The following SORCS1 variants were observed in gnomAD, a reference collection of about 807,000 sequenced individuals.
SORCS1 encodes the protein VPS10 domain-containing receptor SorCS1.
Under a neutral mutation model 146.1 loss-of-function variants are expected in SORCS1, and 60 were observed. That is an observed-to-expected ratio of 0.41 (90% CI 0.33 to 0.51). SORCS1 has a LOEUF of 0.51. SORCS1 is among the 20% of genes least tolerant of loss of function. The pLI, the probability that SORCS1 is intolerant of heterozygous loss-of-function variation, is 0.21. For synonymous variants in SORCS1, 637 were observed against 584.0 expected (o/e 1.09, Z -1.31); for missense variants, 1,352 against 1,487.6 (o/e 0.91, Z 1.50).
At chr10:107,047,853 G>C (rs1162089935) in intron 1 of SORCS1, among the ~76,000 whole-genome samples, 1 of 152,078 alleles carries the variant, frequency 6.6e-6, no homozygotes, top group Non-Finnish European at 1.5e-5. Context: ...GGCAGAGGCA[G>C]GCAGATTGCC....
intron 1 of SORCS1, among the ~76,000 whole-genome samples, chr10:107,009,147 T>G (rs1220709879): frequency 6.6e-6 from 1 of 152,234 alleles, no homozygotes; most frequent in Non-Finnish European, 1.5e-5. Flanking sequence ...TCTGAATTAG[T>G]TTTTCAAATA....
intron 1 of SORCS1, among the ~76,000 whole-genome samples, chr10:107,014,737 A>C (rs1019507927): frequency 6.6e-6 from 1 of 152,204 alleles, no homozygotes; most frequent in Non-Finnish European, 1.5e-5. Flanking sequence ...ATGGACATTC[A>C]CGTTTGAAGA....
rs564775442 is a variant in SORCS1, at chr10:107,129,608, C to T, written c.558+34361G>A. On this transcript the variant is annotated intron_variant, in intron 1 of 25. Transcript: ENST00000263054. The stretch of plus-strand genomic sequence containing the variant: ...ATTTAAGTTTTAAATTTTACCCACT[C>T]TTCCCAATTTGTCATTTAACTTGAA... Among the ~76,000 whole-genome samples the T allele has an allele frequency of 3.3e-5, 5 of 152,340 alleles. No individual in the cohort carries two copies. The South Asian group carries it at 1.0e-3, about 32-fold the overall frequency.
chr10:107,042,554 G>T (rs766002022), intron 1 of SORCS1, among the ~76,000 whole-genome samples: 17 of 152,184 alleles, frequency 1.1e-4, no homozygotes, highest in Non-Finnish European at 2.4e-4. Context: ...CAAATAAAGG[G>T]GTGGCTCTCA....
At chr10:106,863,376 T>A (rs1388160569) in intron 2 of SORCS1, among the ~76,000 whole-genome samples, 1 of 151,900 alleles carries the variant, frequency 6.6e-6, no homozygotes, top group East Asian at 1.9e-4. Context: ...AGTACAAAAA[T>A]TATCTGGGTG....
chr10:107,013,536 C>A (rs1190858373), intron 1 of SORCS1, among the ~76,000 whole-genome samples: 1 of 152,078 alleles, frequency 6.6e-6, no homozygotes, highest in African/African-American at 2.4e-5. Context: ...TCTCTCCCTT[C>A]CTGCAGTATC....
At chr10:106,723,628 T>A (rs1381041891) in intron 6 of SORCS1, among the ~76,000 whole-genome samples, 1 of 152,230 alleles carries the variant, frequency 6.6e-6, no homozygotes, top group African/African-American at 2.4e-5. Context: ...AACATCCTTG[T>A]CACAGATGTA....
intron 9 of SORCS1, among the ~76,000 whole-genome samples, chr10:106,696,983 GA>G (rs1191836862): frequency 4.6e-5 from 7 of 152,186 alleles, no homozygotes; most frequent in African/African-American, 1.4e-4. Context: ...CGAGGGCTAG[GA>G]AAGAAAACTG....
chr10:106,580,500 T>A (rs773788491), intron 24 of SORCS1, among the ~76,000 whole-genome samples: 1 of 152,210 alleles, frequency 6.6e-6, no homozygotes, highest in Non-Finnish European at 1.5e-5. Flanking sequence ...ATTTTGCAAA[T>A]GTAGTGCAGC....
chr10:106,829,361 T>A (rs1948438742), intron 3 of SORCS1, among the ~76,000 whole-genome samples: 1 of 152,214 alleles, frequency 6.6e-6, no homozygotes, highest in African/African-American at 2.4e-5. Context: ...GAAATGGTAA[T>A]GATCTACCTA....
At chr10:106,890,233 G>C (rs764320670) in intron 2 of SORCS1, among the ~76,000 whole-genome samples, 3 of 152,076 alleles carry the variant, frequency 2.0e-5, no homozygotes, top group Non-Finnish European at 2.9e-5. Flanking sequence ...TTCTCACTGG[G>C]AACTCTGACA....
At chr10:106,984,750 G>A (rs577379680) in intron 1 of SORCS1, among the ~76,000 whole-genome samples, 11 of 152,106 alleles carry the variant, frequency 7.2e-5, no homozygotes, top group South Asian at 4.2e-4. Context: ...GTAGTAAAGA[G>A]CATGAAATTA....
At chr10:106,652,654 T>C in intron 17 of SORCS1, 101 bp from the exon 18 acceptor site, 1 of 1,296,880 alleles carries the variant, frequency 7.7e-7, no homozygotes, top group Non-Finnish European at 1.1e-6. Flanking sequence ...GGACCATCAG[T>C]AAGCACCTAA....
At chr10:107,031,349 T>G (rs1958647918) in intron 1 of SORCS1, among the ~76,000 whole-genome samples, 1 of 152,172 alleles carries the variant, frequency 6.6e-6, no homozygotes, top group South Asian at 2.1e-4. Context: ...TGCATTTTTT[T>G]CTAGCCATGG....
intron 1 of SORCS1, among the ~76,000 whole-genome samples, chr10:107,127,741 C>G (rs533516446): frequency 6.6e-6 from 1 of 152,342 alleles, no homozygotes; most frequent in Admixed American, 6.5e-5. Flanking sequence ...TTCAAAGGCA[C>G]ACAGCCTTAC....
intron 20 of SORCS1, among the ~76,000 whole-genome samples, chr10:106,619,564 A>G (rs1847600156): frequency 6.6e-6 from 1 of 152,238 alleles, no homozygotes; most frequent in East Asian, 1.9e-4. Flanking sequence ...CCTCAGCTCT[A>G]TTGCCTAACT....
intron 2 of SORCS1, among the ~76,000 whole-genome samples, chr10:106,842,299 C>A (rs1234813303): frequency 6.6e-6 from 1 of 151,742 alleles, no homozygotes; most frequent in Non-Finnish European, 1.5e-5. Context: ...AATGGCATGA[C>A]CTTGGCTCAC....
At chr10:107,059,211 G>T (rs781575992) in intron 1 of SORCS1, among the ~76,000 whole-genome samples, 2 of 152,104 alleles carry the variant, frequency 1.3e-5, no homozygotes, top group Non-Finnish European at 2.9e-5. Context: ...CAGCCAACAA[G>T]CTCAAAACAA....
chr10:106,780,530 CACATACTGTTGTAAATGA>C (rs1432709283), intron 3 of SORCS1, among the ~76,000 whole-genome samples: 1 of 152,132 alleles, frequency 6.6e-6, no homozygotes, highest in East Asian at 1.9e-4. Flanking sequence ...ATAGTAGGTC[CACATACTGTTGTAAATGA>C]ATAAAGGAAT....
Sources: allele counts gnomAD v4.1 joint callset (sites outside exome capture counted in the v4.1 genomes callset), GRCh38; gene constraint gnomAD v4.1.1; transcripts MANE v1.5; gene names NCBI Gene and HGNC (gene_info 2026-07-23, HGNC 2026-07-21).